SLC7A1: variants seen among roughly 807,000 people sequenced by gnomAD.
The protein encoded by SLC7A1 is solute carrier family 7 member 1, also known as high affinity cationic amino acid transporter 1.
SLC7A1 carries 10 observed loss-of-function variants against 53.9 expected under a neutral mutation model. The observed-to-expected ratio is 0.19, with a 90% CI of 0.11 to 0.31. SLC7A1 has a LOEUF of 0.31. Ranked by LOEUF, SLC7A1 falls within the 10% of genes least tolerant of loss-of-function variation. The pLI is 1.00. For missense variants in SLC7A1, 525 were observed against 827.2 expected, an observed-to-expected ratio of 0.63 and a Z score of 4.48; for synonymous variants, 342 against 338.7, an observed-to-expected ratio of 1.01 and a Z score of -0.11.
At position 29,523,187 on chromosome 13, in the gene SLC7A1, G is replaced by C. The variant is rs925651548; in HGVS notation, c.1049+79C>G. On this transcript the variant is annotated intron_variant, in intron 7 of 12. Coordinates refer to ENST00000380752, the MANE Select transcript of SLC7A1 (RefSeq NM_003045.5). Reference sequence around the variant, plus strand: ...TGGCAGCCGATGTGTGTCTCGCATGGCTGTACCTGGCCTGCTATAGCCTAA... The same window carrying C: ...TGGCAGCCGATGTGTGTCTCGCATGCCTGTACCTGGCCTGCTATAGCCTAA... The C allele has an allele frequency of 2.9e-5, 34 of 1,167,866 alleles. No individual in the cohort carries two copies. The African/African-American group carries it at 4.1e-4, about 14-fold the overall frequency. 72.3% of individuals were successfully genotyped at this position (1,167,866 alleles called of 1,614,324 possible).
At position 29,514,220 on chromosome 13, in the gene SLC7A1, G is replaced by T. The variant is rs1238747877; in HGVS notation, c.*260C>A. 1 of 525,576 alleles carries T rather than the reference G, an allele frequency of 1.9e-6. No homozygotes were observed. The highest frequency in any genetic ancestry group is 1.9e-5 in the African/African-American group (1 of 52,368). 32.6% of individuals were successfully genotyped at this position (525,576 alleles called of 1,614,324 possible). ...GGTAGGGGAGGAACTGCTTTGTTCA[G>T]AGAAGTGAGGAGACACAGTGGCCAG... On this transcript the variant is annotated 3_prime_UTR_variant, in exon 13 of 13. Transcript: ENST00000380752.
At chr13:29,563,082 G>A (rs1593571241) in intron 1 of SLC7A1, among the ~76,000 whole-genome samples, 1 of 152,238 alleles carries the variant, frequency 6.6e-6, no homozygotes, top group Non-Finnish European at 1.5e-5. Flanking sequence ...AAGGGGCAAC[G>A]AGAGAGGCCG....
chr13:29,517,575 A>G lies in SLC7A1; in HGVS notation c.1508T>C (p.Ile503Thr). Residue 503 changes from isoleucine to threonine, a missense_variant and splice_region_variant, in exon 10 of 13, where the codon ATA (isoleucine) becomes ACA (threonine). Ile to Thr is a moderately conservative substitution (Grantham distance 89). Around this residue, in one of 4 missense-constraint regions of SLC7A1, gnomAD observed 122 missense variants for 140.9 expected, o/e 0.87. Transcript: ENST00000380752. ...GLIVNISTSL[I>T]AVLIITFCIV... is the part of the protein sequence containing the mutation. ...CCCAGGGAAGGGCTAGCTCTTACCT[A>G]TGAGGCTGGTTGAAATGTTCACAAT... is the stretch of plus-strand genomic sequence containing the variant. 6.2e-7 allele frequency: 1 copy of G among 1,611,794 alleles called. No individual in the cohort carries two copies. The highest frequency in any genetic ancestry group is 1.1e-5 in the South Asian group (1 of 91,032).
intron 1 of SLC7A1, among the ~76,000 whole-genome samples, chr13:29,593,088 GA>G (rs1160407726): frequency 6.6e-6 from 1 of 152,218 alleles, no homozygotes; most frequent in Non-Finnish European, 1.5e-5. Context: ...AGGCACCTGA[GA>G]GGGGCCCCAA....
intron 2 of SLC7A1, among the ~76,000 whole-genome samples, chr13:29,542,018 C>G (rs1421988427): frequency 2.0e-5 from 3 of 152,146 alleles, no homozygotes; most frequent in Non-Finnish European, 4.4e-5. Context: ...TTTCAAAATT[C>G]TCTTTAAAAA....
chr13:29,522,601 TG>T, intron 7 of SLC7A1, 145 bp from the exon 8 acceptor site: 1 of 734,382 alleles, frequency 1.4e-6, no homozygotes, highest in South Asian at 1.8e-5. Flanking sequence ...GTGAGGCCTG[TG>T]GCTAAAAGAC....
In SLC7A1 at chr13:29,532,882, G is replaced by A. The variant is rs117551747; in HGVS notation, c.471C>T (p.Pro157=). 3.7e-3 allele frequency: 6,015 copies of A among 1,613,760 alleles called. 16 individuals carry two copies. Among genetic ancestry groups the A allele is most frequent in the Non-Finnish European group, 4.8e-3 (5,669 of 1,179,774 alleles). Residue 157 remains proline (P), a synonymous_variant, in exon 4 of 13, where the codon CCC becomes CCT. Transcript: ENST00000380752. ...FSRTHMTLNA[P]GVLAENPDIF... ...TGTCGGGGTTTTCAGCCAGCACGCC[G>A]GGGGCGTTCAGAGTCATGTGTGTCC...
chr13:29,577,113 C>A (rs1353861615), intron 1 of SLC7A1, among the ~76,000 whole-genome samples: 2 of 152,208 alleles, frequency 1.3e-5, no homozygotes, highest in Non-Finnish European at 2.9e-5. Flanking sequence ...GGCATAAGGT[C>A]TTTTACTGTA....
chr13:29,577,722 A>G (rs1383697600), intron 1 of SLC7A1, among the ~76,000 whole-genome samples: 1 of 152,236 alleles, frequency 6.6e-6, no homozygotes, highest in Non-Finnish European at 1.5e-5. Context: ...CAAGATCACA[A>G]GAAATAATAT....
chr13:29,511,477 G>C lies in SLC7A1; in HGVS notation c.*3003C>G, dbSNP rs1883387112. 1 of 152,292 alleles carries C rather than the reference G, an allele frequency of 6.6e-6. No homozygotes were observed. Among genetic ancestry groups the C allele is most frequent in the Non-Finnish European group, 1.5e-5 (1 of 68,090 alleles). 9.4% of individuals were successfully genotyped at this position (152,292 alleles called of 1,614,324 possible). A position where few individuals can be genotyped will look rare whatever the true frequency, so the allele number is the denominator to read the frequency against. ...TGGAAAAATAAATCCGATGCATAAA[G>C]CCTTGGACAAGGGTGTGTGAGCAGG... On this transcript the variant is annotated 3_prime_UTR_variant, in exon 13 of 13. Transcript: ENST00000380752.
intron 1 of SLC7A1, among the ~76,000 whole-genome samples, chr13:29,554,928 C>T (rs1455741095): frequency 1.3e-5 from 2 of 152,200 alleles, no homozygotes. Flanking sequence ...ATCTACACTT[C>T]CCAATATTTA....
chr13:29,533,593 T>G (rs1329089719), intron 3 of SLC7A1, among the ~76,000 whole-genome samples: 2 of 152,194 alleles, frequency 1.3e-5, no homozygotes, highest in Non-Finnish European at 2.9e-5. Context: ...CCTCTGCCAC[T>G]TTTTGCCTGA....
Position 29,579,972 on chromosome 13 carries a change from C to G in SLC7A1, c.-115+15444G>C, listed in dbSNP as rs1223906321. Among the ~76,000 whole-genome samples the G allele has an allele frequency of 3.9e-5, 6 of 152,178 alleles. No individual in the cohort carries two copies. In the South Asian group the frequency reaches 8.3e-4, roughly 21 times the overall value. On this transcript the variant is annotated intron_variant, in intron 1 of 12. Transcript: ENST00000380752. ...CCTACTAGATCTGATCGTGGTTGTTCCCACTCAACATCCACTTTCACAGCA... is the reference window on the plus strand; with the variant it reads ...CCTACTAGATCTGATCGTGGTTGTTGCCACTCAACATCCACTTTCACAGCA...
At chr13:29,530,009 A>G (rs1869079122) in intron 5 of SLC7A1, among the ~76,000 whole-genome samples, 1 of 152,232 alleles carries the variant, frequency 6.6e-6, no homozygotes, top group Non-Finnish European at 1.5e-5. Flanking sequence ...CTTGAGCAGC[A>G]CAAGTCAAAT....
intron 1 of SLC7A1, among the ~76,000 whole-genome samples, chr13:29,590,222 C>T (rs280912): frequency 0.039 from 5,914 of 152,222 alleles, 363 homozygotes; most frequent in African/African-American, 0.13. Context: ...GACCCAAGCA[C>T]GGGATGAGTG....
chr13:29,584,767 C>A (rs1871806437), intron 1 of SLC7A1, among the ~76,000 whole-genome samples: 1 of 152,048 alleles, frequency 6.6e-6, no homozygotes, highest in African/African-American at 2.4e-5. Flanking sequence ...AAAAGTCCAT[C>A]CAACCTTTTC....
At chr13:29,543,490 T>C (rs1869763481) in intron 2 of SLC7A1, among the ~76,000 whole-genome samples, 1 of 152,204 alleles carries the variant, frequency 6.6e-6, no homozygotes, top group East Asian at 1.9e-4. Flanking sequence ...GCCACACGCT[T>C]CTGCCTACTG....
intron 6 of SLC7A1, among the ~76,000 whole-genome samples, chr13:29,523,713 T>C (rs1868745157): frequency 6.6e-6 from 1 of 152,222 alleles, no homozygotes; most frequent in Non-Finnish European, 1.5e-5. Context: ...AACAGTGTTC[T>C]CGGCCTGAAT....
chr13:29,580,407 T>A (rs1187598018), intron 1 of SLC7A1, among the ~76,000 whole-genome samples: 83 of 152,184 alleles, frequency 5.5e-4, no homozygotes, highest in Non-Finnish European at 1.1e-3. Flanking sequence ...TATTTCTCAG[T>A]GGCTTCATAA....
Sources: gnomAD v4.1 joint callset for allele counts (sites outside exome capture counted in the v4.1 genomes callset) on GRCh38, gnomAD v4.1.1 for gene constraint, gnomAD v4.1.1 regional missense constraint, MANE v1.5 for transcripts, NCBI Gene and HGNC (gene_info 2026-07-23, HGNC 2026-07-21) for gene names.